The following ZNF496 variants were observed in gnomAD, a reference collection of about 807,000 sequenced individuals.
ZNF496 encodes the protein zinc finger protein 496, also known as NSD1 (nuclear receptor binding SET-domain containing 1)-interacting zinc finger protein 1.
Under a neutral mutation model 58.9 loss-of-function variants are expected in ZNF496, and 11 were observed. The observed-to-expected ratio is 0.19, with a 90% CI of 0.12 to 0.31. The LOEUF is 0.31. Among genes scored for constraint, ZNF496 ranks in the 10% least tolerant of loss-of-function variants. ZNF496 has a pLI of 1.00. For missense variants in ZNF496, 660 were observed against 783.0 expected (o/e 0.84, Z 1.88); for synonymous variants, 338 against 318.2 (o/e 1.06, Z -0.66).
chr1:247,305,599 C>A (rs910541614), intron 9 of ZNF496, among the ~76,000 whole-genome samples: 1 of 152,070 alleles, frequency 6.6e-6, no homozygotes, highest in Non-Finnish European at 1.5e-5. Context: ...TGACTTCCTG[C>A]GAGCTGAGGG....
intron 6 of ZNF496, among the ~76,000 whole-genome samples, chr1:247,320,352 G>A (rs1270341539): frequency 1.3e-5 from 2 of 152,164 alleles, no homozygotes; most frequent in East Asian, 1.9e-4. Context: ...ATAGAATTAC[G>A]CTGAATGAAA....
Position 247,329,804 on chromosome 1 carries a change from C to T in ZNF496, c.-38+162G>A, listed in dbSNP as rs879477538. ...AAACAGACAGAAAGATGCCCTCCCCCCATCAGTACCATTACGTGTGGATTC... is the reference window on the plus strand; with the variant it reads ...AAACAGACAGAAAGATGCCCTCCCCTCATCAGTACCATTACGTGTGGATTC... On this transcript the variant is annotated intron_variant, in intron 3 of 9. Transcript: ENST00000682384. The surrounding 1 kb of genome is among the most constrained non-coding windows in gnomAD (Gnocchi z 5.5). Among the ~76,000 whole-genome samples, 2 of 152,126 alleles carry T rather than the reference C, an allele frequency of 1.3e-5. No individual in the cohort carries two copies. The highest frequency in any genetic ancestry group is 4.8e-5 in the African/African-American group (2 of 41,430).
At chr1:247,303,646 T>G (rs1040124925) in intron 9 of ZNF496, among the ~76,000 whole-genome samples, 2 of 152,186 alleles carry the variant, frequency 1.3e-5, no homozygotes, top group African/African-American at 4.8e-5. Flanking sequence ...AGTAAGGAAC[T>G]CGGATACTGA....
At chr1:247,321,411 T>G (rs575211450) in intron 6 of ZNF496, among the ~76,000 whole-genome samples, 2 of 152,242 alleles carry the variant, frequency 1.3e-5, no homozygotes, top group East Asian at 3.9e-4. Flanking sequence ...AATTTCAGTT[T>G]GGGAAGATGA....
chr1:247,307,134 G>C (rs2103018738), intron 9 of ZNF496: 1 of 985,448 alleles, frequency 1.0e-6, no homozygotes, highest in Non-Finnish European at 1.2e-6. Flanking sequence ...GGCACAAACT[G>C]AACATCTGGG....
chr1:247,329,252 G>A lies in ZNF496; in HGVS notation c.327C>T (p.Ser109=), dbSNP rs147838939. The A allele has an allele frequency of 5.0e-6, 8 of 1,613,556 alleles. No individual in the cohort carries two copies. Among genetic ancestry groups the A allele is most frequent in the East Asian group, 2.2e-5 (1 of 44,862 alleles). Residue 109 remains serine (S), a synonymous_variant, in exon 4 of 10, where the codon AGC becomes AGT. Coordinates refer to ENST00000682384, the MANE Select transcript of ZNF496 (RefSeq NM_032752.3). This position sits in a 1 kb window ranked among gnomAD's most constrained non-coding sequence, Gnocchi z 5.5. ...CCACCGCGGCCACAGCCTGCTCTCC[G>A]CTCTCAGGCTCCTGCGCCCGCACCC... ...QSWVRAQEPE[S]GEQAVAAVEA...
rs1371836124 is a variant in ZNF496 at position 247,328,928 on chromosome 1, GGT to G, written c.391-64_391-63del. 3 of 1,528,182 alleles carry G rather than the reference GGT, an allele frequency of 2.0e-6. No homozygotes were observed. In the East Asian group the frequency reaches 6.8e-5, roughly 34 times the overall value. 94.7% of individuals were successfully genotyped at this position (1,528,182 alleles called of 1,614,324 possible). ...AGAGGTCCCATCTCTCCCTGGGCCT[GGT>G]GACCATCCACTCCACAGCTGACCAT... On this transcript the variant is annotated intron_variant, in intron 4 of 9. Coordinates refer to ENST00000682384, the MANE Select transcript of ZNF496 (RefSeq NM_032752.3).
intron 6 of ZNF496, among the ~76,000 whole-genome samples, chr1:247,322,255 C>CCTCAAA (rs1655294408): frequency 6.6e-6 from 1 of 152,088 alleles, no homozygotes; most frequent in Non-Finnish European, 1.5e-5. Context: ...TGCATTGAAG[C>CCTCAAA]CTGGGTGACA....
At chr1:247,331,695 C>T (rs1660334200) in intron 1 of ZNF496, 48 bp from the exon 2 acceptor site, 2 of 151,356 alleles carry the variant, frequency 1.3e-5, no homozygotes, top group Non-Finnish European at 2.9e-5. Context: ...CCTTCCTGAG[C>T]GCTGGGCTCT....
chr1:247,310,075 A>G (rs1486284677), intron 7 of ZNF496: 1 of 1,429,724 alleles, frequency 7.0e-7, no homozygotes, highest in Non-Finnish European at 9.1e-7. Context: ...AGAAATGGAC[A>G]TACAGCACAT....
intron 2 of ZNF496, among the ~76,000 whole-genome samples, chr1:247,330,783 C>G (rs1660297212): frequency 1.3e-5 from 2 of 152,264 alleles, no homozygotes; most frequent in Non-Finnish European, 2.9e-5. Context: ...TAACCTCCAA[C>G]AGCTCACAAG....
Position 247,309,666 on chromosome 1 carries a change from C to T in ZNF496, c.892+33G>A. 2.5e-6 allele frequency: 4 copies of T among 1,613,534 alleles called. No individual in the cohort carries two copies. Among genetic ancestry groups the T allele is most frequent in the Non-Finnish European group, 3.4e-6 (4 of 1,179,756 alleles). On this transcript the variant is annotated intron_variant, in intron 8 of 9. Coordinates refer to ENST00000682384, the MANE Select transcript of ZNF496 (RefSeq NM_032752.3). This position sits in a 1 kb window ranked among gnomAD's most constrained non-coding sequence, Gnocchi z 4.3. ...CGGCTGCCAGCAACCCTTCCCCCTA[C>T]TCTGTCCACTCAGTTCTGGAATCAT...
intron 5 of ZNF496, 54 bp from the exon 6 acceptor site, chr1:247,323,284 C>T: frequency 7.5e-7 from 1 of 1,329,188 alleles, no homozygotes; most frequent in Non-Finnish European, 1.1e-6. Flanking sequence ...AGGCCTGGTG[C>T]TGATACCTTC....
Position 247,309,834 on chromosome 1 carries a change from G to A in ZNF496, c.785-28C>T. ...GTTCAAAGAAAAAGGCAGGGTACAT[G>A]TTTATTAGTAATCTGATCCTGCAGC... On this transcript the variant is annotated intron_variant, in intron 7 of 9. Coordinates refer to ENST00000682384, the MANE Select transcript of ZNF496 (RefSeq NM_032752.3). This position sits in a 1 kb window ranked among gnomAD's most constrained non-coding sequence, Gnocchi z 4.3. The A allele has an allele frequency of 6.2e-7, 1 of 1,611,088 alleles. No homozygotes were observed.
Position 247,301,074 on chromosome 1 carries a change from C to T in ZNF496, c.1209G>A (p.Lys403=). The T allele has an allele frequency of 6.2e-7, 1 of 1,613,796 alleles. No homozygotes were observed. Among genetic ancestry groups the T allele is most frequent in the Non-Finnish European group, 8.5e-7 (1 of 1,180,050 alleles). The change falls in exon 10 of 10, where the codon AAG becomes AAA. Residue 403 remains lysine (K), a synonymous_variant. Coordinates refer to ENST00000682384, the MANE Select transcript of ZNF496 (RefSeq NM_032752.3). ...TEAGGEVQTS[K]KSYVCPNCGK... Reference sequence around the variant, plus strand: ...CACAGTTCGGACACACGTAGGACTTCTTGGAGGTCTGCACCTCGCCTCCGG... The same window carrying T: ...CACAGTTCGGACACACGTAGGACTTTTTGGAGGTCTGCACCTCGCCTCCGG...
chr1:247,324,283 A>C (rs749594157), intron 5 of ZNF496, among the ~76,000 whole-genome samples: 23 of 152,358 alleles, frequency 1.5e-4, no homozygotes, highest in Admixed American at 2.6e-4. Flanking sequence ...ATAGAAGCAG[A>C]GATCAGAATG....
At position 247,308,915 on chromosome 1, in the gene ZNF496, TC is replaced by T; in HGVS notation, c.893-328del. The T allele has an allele frequency of 2.9e-6, 1 of 348,026 alleles. No homozygotes were observed. The highest frequency in any genetic ancestry group is 2.4e-5 in the South Asian group (1 of 42,456). The allele number at this position is 348,026 out of a possible 1,614,324, so 21.6% of individuals were successfully genotyped here. A position where few individuals can be genotyped will look rare whatever the true frequency, so the allele number is the denominator to read the frequency against. ...TTCTGTGGTGGGTTTTCTATAGTCATCACCACAGGCTCCTGCACACTCCGCA... is the reference window on the plus strand; with the variant it reads ...TTCTGTGGTGGGTTTTCTATAGTCATACCACAGGCTCCTGCACACTCCGCA... On this transcript the variant is annotated intron_variant, in intron 8 of 9. Coordinates refer to ENST00000682384, the MANE Select transcript of ZNF496 (RefSeq NM_032752.3). This position sits in a 1 kb window ranked among gnomAD's most constrained non-coding sequence, Gnocchi z 4.5.
chr1:247,326,156 A>G (rs977493277), intron 5 of ZNF496, among the ~76,000 whole-genome samples: 6 of 150,916 alleles, frequency 4.0e-5, no homozygotes, highest in Non-Finnish European at 7.4e-5. Flanking sequence ...ATATATATAT[A>G]TATATATGAA....
chr1:247,323,893 T>C (rs571576138), intron 5 of ZNF496, among the ~76,000 whole-genome samples: 19 of 151,692 alleles, frequency 1.3e-4, no homozygotes, highest in East Asian at 1.9e-4. Flanking sequence ...AGTGGGAGGA[T>C]TGCTTAAGCT....
Sources: allele counts gnomAD v4.1 joint callset (sites outside exome capture counted in the v4.1 genomes callset), GRCh38; gene constraint gnomAD v4.1.1; non-coding constraint Gnocchi (gnomAD v3.1); transcripts MANE v1.5; gene names NCBI Gene and HGNC (gene_info 2026-07-23, HGNC 2026-07-21).